Variants in ASL observed in about 807,000 individuals in gnomAD.
ASL encodes the protein argininosuccinate lyase.
Under a neutral mutation model 69.1 loss-of-function variants are expected in ASL, and 51 were observed. The ratio of observed to expected loss-of-function variants is 0.74; its 90% CI spans 0.59 to 0.93. The LOEUF is 0.93. Among genes scored for constraint, ASL ranks in the 40% least tolerant of loss-of-function variants. The probability of loss-of-function intolerance (pLI) is 0.00; values close to 1 mark genes in which losing one functional copy is unlikely to be tolerated. For synonymous variants in ASL, 241 were observed against 247.6 expected (o/e 0.97, Z 0.25); for missense variants, 540 against 623.9 (o/e 0.87, Z 1.43).
At chr7:66,075,910 G>A (rs1380529784) in intron 1 of ASL, 54 bp downstream of exon 1, 4 of 783,448 alleles carry the variant, frequency 5.1e-6, no homozygotes, top group Non-Finnish European at 8.3e-6. Flanking sequence ...GCCGAGCACC[G>A]TGGCGCGCGC....
At chr7:66,077,757 A>C (rs963805332) in intron 2 of ASL, among the ~76,000 whole-genome samples, 3 of 152,130 alleles carry the variant, frequency 2.0e-5, no homozygotes, top group Non-Finnish European at 4.4e-5. Flanking sequence ...CACAAGTCCC[A>C]AAACCAAAAC....
In ASL at chr7:66,089,599, A is replaced by G. The variant is rs752110932; in HGVS notation, c.979-13A>G. ...GGCTGCTAGGCCCTCACCTCCTGCC[A>G]TGTGCCTCCCAGGAGGACAAGGAAG... On this transcript the variant is annotated splice_polypyrimidine_tract_variant and intron_variant, in intron 13 of 16. Coordinates refer to ENST00000304874, the MANE Select transcript of ASL (RefSeq NM_000048.4). 38 of 1,613,246 alleles carry G rather than the reference A, an allele frequency of 2.4e-5. No homozygotes were observed. Among genetic ancestry groups the G allele is most frequent in the Non-Finnish European group, 3.1e-5 (37 of 1,179,918 alleles).
Position 66,092,984 on chromosome 7 carries a change from G to A in ASL, c.*72G>A. ...GCTGTGTGTTTCCTGCCCCAGCCTG[G>A]CTCCCTCGTTGCTGGGCTTTCGGGG... On this transcript the variant is annotated 3_prime_UTR_variant, in exon 17 of 17. Transcript: ENST00000304874. The A allele has an allele frequency of 2.6e-6, 4 of 1,541,696 alleles. No homozygotes were observed. Among genetic ancestry groups the A allele is most frequent in the South Asian group, 1.2e-5 (1 of 85,716 alleles).
intron 2 of ASL, 52 bp downstream of exon 2, chr7:66,076,145 G>C (rs373177285): frequency 6.4e-7 from 1 of 1,570,228 alleles, no homozygotes; most frequent in Non-Finnish European, 8.6e-7. Flanking sequence ...AGGAGAGAGT[G>C]GGGGCGCCAG....
chr7:66,087,478 G>C, intron 9 of ASL, 92 bp downstream of exon 9: 3 of 1,442,552 alleles, frequency 2.1e-6, no homozygotes, highest in Middle Eastern at 1.7e-4. Context: ...GCAGGGGCCT[G>C]TGGCTCCTGG....
intron 6 of ASL, 133 bp from the exon 7 acceptor site, chr7:66,086,452 C>T: frequency 1.1e-6 from 1 of 946,210 alleles, no homozygotes. Flanking sequence ...GGGAGATCAC[C>T]AGATCCCTCA....
intron 15 of ASL, 94 bp from the exon 16 acceptor site, chr7:66,092,461 GAA>G (rs67457607): frequency 0.039 from 38,011 of 964,380 alleles, 5 homozygotes; most frequent in Non-Finnish European, 0.043. Context: ...GTGTCAAAAA[GAA>G]AAAAAAAAAA....
intron 8 of ASL, 104 bp from the exon 9 acceptor site, chr7:66,087,230 C>G (rs915353679): frequency 7.2e-7 from 1 of 1,384,086 alleles, no homozygotes; most frequent in South Asian, 1.2e-5. Flanking sequence ...ACTTGGTTCT[C>G]TGTGTGTGCG....
At chr7:66,087,981 G>T (rs1786720140) in intron 10 of ASL, among the ~76,000 whole-genome samples, 190 bp downstream of exon 10, 1 of 152,056 alleles carries the variant, frequency 6.6e-6, no homozygotes, top group Admixed American at 6.6e-5. Context: ...GGCCAACATG[G>T]TGAAACCCCA....
chr7:66,089,859 AC>A, intron 14 of ASL, among the ~76,000 whole-genome samples, 164 bp downstream of exon 14: 1 of 152,114 alleles, frequency 6.6e-6, no homozygotes, highest in East Asian at 1.9e-4. Context: ...AAGGACAGAA[AC>A]TGCTGCCATG....
chr7:66,079,267 G>T (rs1786436008), intron 2 of ASL, among the ~76,000 whole-genome samples: 1 of 152,094 alleles, frequency 6.6e-6, no homozygotes, highest in Non-Finnish European at 1.5e-5. Flanking sequence ...GAAGTCTGGG[G>T]CATTGTAGGG....
chr7:66,085,664 A>G (rs970393111), intron 6 of ASL, among the ~76,000 whole-genome samples: 7 of 151,262 alleles, frequency 4.6e-5, no homozygotes, highest in East Asian at 2.0e-4. Context: ...CTGAAGTGCA[A>G]TGGTGCAATC....
At chr7:66,085,707 A>T (rs913612986) in intron 6 of ASL, among the ~76,000 whole-genome samples, 1 of 151,374 alleles carries the variant, frequency 6.6e-6, no homozygotes, top group African/African-American at 2.4e-5. Context: ...TCCTGGGTTC[A>T]TGCCATTCTC....
chr7:66,082,047 A>G (rs1476999161), intron 3 of ASL, 50 bp downstream of exon 3: 1 of 1,556,768 alleles, frequency 6.4e-7, no homozygotes, highest in Admixed American at 1.9e-5. Context: ...CTGTGGCCCC[A>G]GGCTCCCACC....
chr7:66,088,841 C>G lies in ASL; in HGVS notation c.753C>G (p.Thr251=). ...TGTTCTGGGCTTCGCTGTGCATGAC[C>G]CATCTCAGCAGGATGGCCGAGGACC... is the stretch of plus-strand genomic sequence containing the variant. ...EFLFWASLCM[T]HLSRMAEDLI... The change falls in exon 11 of 17, where the codon ACC becomes ACG. Residue 251 remains threonine, a synonymous_variant. Transcript: ENST00000304874. 6.2e-7 allele frequency: 1 copy of G among 1,614,022 alleles called. No homozygotes were observed. The highest frequency in any genetic ancestry group is 1.1e-5 in the South Asian group (1 of 91,008).
intron 1 of ASL, 55 bp from the exon 2 acceptor site, chr7:66,075,984 C>T (rs1786333828): frequency 5.3e-6 from 8 of 1,509,486 alleles, no homozygotes; most frequent in Non-Finnish European, 5.4e-6. Flanking sequence ...GGAGCCAGCC[C>T]GGCCCGGGGG....
chr7:66,087,324 G>A lies in ASL; in HGVS notation c.603-10G>A, dbSNP rs1179948747. 6.2e-7 allele frequency: 1 copy of A among 1,602,594 alleles called. No individual in the cohort carries two copies. Among genetic ancestry groups the A allele is most frequent in the East Asian group, 2.2e-5 (1 of 44,776 alleles). The stretch of plus-strand genomic sequence containing the variant: ...GGAGCCCTGGTCACCATGAATCCCT[G>A]TCCCTGCAGTGGGGCCATTGCAGGC... On this transcript the variant is annotated splice_polypyrimidine_tract_variant and intron_variant, in intron 8 of 16. Transcript: ENST00000304874.
intron 2 of ASL, 102 bp from the exon 3 acceptor site, chr7:66,081,701 C>T: frequency 7.4e-7 from 1 of 1,355,638 alleles, no homozygotes; most frequent in Non-Finnish European, 1.0e-6. Context: ...GATCTGATGC[C>T]CCTGCTACCA....
At chr7:66,087,878 C>A (rs757577833) in intron 10 of ASL, 87 bp downstream of exon 10, 36 of 1,528,710 alleles carry the variant, frequency 2.4e-5, no homozygotes, top group Non-Finnish European at 3.3e-5. Context: ...CACACCTCCA[C>A]GGACAGGCTG....
Sources: gnomAD v4.1 joint callset for allele counts (sites outside exome capture counted in the v4.1 genomes callset) on GRCh38, gnomAD v4.1.1 for gene constraint, MANE v1.5 for transcripts, NCBI Gene and HGNC (gene_info 2026-07-23, HGNC 2026-07-21) for gene names.